SDC3: variants seen among roughly 807,000 people sequenced by gnomAD.
SDC3 encodes syndecan 3.
Under a neutral mutation model 24.4 loss-of-function variants are expected in SDC3, and 13 were observed. The observed-to-expected ratio is 0.53, with a 90% confidence interval of 0.35 to 0.85. SDC3 has a LOEUF of 0.85. SDC3 is among the 40% of genes least tolerant of loss of function. The probability of loss-of-function intolerance (pLI) is 0.01; values close to 1 mark genes in which losing one functional copy is unlikely to be tolerated. For missense variants in SDC3, 571 were observed against 584.5 expected, an observed-to-expected ratio of 0.98 and a Z score of 0.24; for synonymous variants, 295 against 260.9, an observed-to-expected ratio of 1.13 and a Z score of -1.26.
chr1:30,884,246 G>A (rs1639793208), intron 1 of SDC3, among the ~76,000 whole-genome samples: 1 of 151,916 alleles, frequency 6.6e-6, no homozygotes, highest in African/African-American at 2.4e-5. Flanking sequence ...AATGGGGAGG[G>A]CAGAGAAGGC....
At position 30,876,738 on chromosome 1, in the gene SDC3, C is replaced by T. The variant is rs1220582992; in HGVS notation, c.684G>A (p.Glu228=). 1.3e-6 allele frequency: 2 copies of T among 1,590,232 alleles called. No individual in the cohort carries two copies. The highest frequency in any genetic ancestry group is 1.7e-6 in the Non-Finnish European group (2 of 1,168,020). ...CCGCCGTGGTGGGCGGGGAGGGCGC[C>T]TCGGGGGTAGTGGCCCGTGCCGTAG... ...TVATARATTP[E]APSPPTTAAV... is the part of the protein sequence containing the mutation. Residue 228 remains glutamate (E), a synonymous_variant, in exon 3 of 5, where the codon GAG becomes GAA. Coordinates refer to ENST00000339394, the MANE Select transcript of SDC3 (RefSeq NM_014654.4).
intron 4 of SDC3, among the ~76,000 whole-genome samples, chr1:30,873,744 CAT>C (rs1639583494): frequency 6.6e-6 from 1 of 152,140 alleles, no homozygotes; most frequent in Non-Finnish European, 1.5e-5. Context: ...GAAGACTTAA[CAT>C]GTGAACAGAT....
At chr1:30,901,945 G>C (rs778343666) in intron 1 of SDC3, among the ~76,000 whole-genome samples, 13 of 152,214 alleles carry the variant, frequency 8.5e-5, no homozygotes, top group Admixed American at 2.6e-4. Context: ...TGCGGGTTCA[G>C]AGAGGTTAGG....
rs539716242 is a variant in SDC3 at position 30,896,932 on chromosome 1, CA to C, written c.138+11516del. 2.6e-5 allele frequency among the ~76,000 whole-genome samples: 4 copies of C among 152,144 alleles called. No individual in the cohort carries two copies. The South Asian group carries it at 8.3e-4, about 32-fold the overall frequency. ...GAACCAAGATCACACCACTGCACTCCAATCTGGGCAACAGAGTAAAAGTCCA... is the reference window on the plus strand; with the variant it reads ...GAACCAAGATCACACCACTGCACTCCATCTGGGCAACAGAGTAAAAGTCCA... On this transcript the variant is annotated intron_variant, in intron 1 of 4. Coordinates refer to ENST00000339394, the MANE Select transcript of SDC3 (RefSeq NM_014654.4).
chr1:30,904,161 G>T (rs886819239), intron 1 of SDC3, among the ~76,000 whole-genome samples: 17 of 152,148 alleles, frequency 1.1e-4, no homozygotes, highest in Admixed American at 9.2e-4. Flanking sequence ...GGAGGCAGAG[G>T]TTGCAGTGAG....
Position 30,874,504 on chromosome 1 carries a change from GCT to G in SDC3, c.953_954del (p.Glu318AlafsTer14). ...GGTTGTGTGGTCTCTTCTTCTGGCA[GCT>G]CGAAGTCTCCACTGGGCCCCCCACT... ...PVSGGPSGDFELPEEETTQPD... is the reference protein window; with the variant it reads ...PVSGGPSGDFXLPEEETTQPD... On this transcript the variant is annotated frameshift_variant, in exon 4 of 5. Coordinates refer to ENST00000339394, the MANE Select transcript of SDC3 (RefSeq NM_014654.4). LOFTEE classifies it high-confidence loss of function. The G allele has an allele frequency of 6.2e-7, 1 of 1,614,172 alleles. No homozygotes were observed. The highest frequency in any genetic ancestry group is 8.5e-7 in the Non-Finnish European group (1 of 1,180,016).
At chr1:30,903,725 T>C (rs866132355) in intron 1 of SDC3, among the ~76,000 whole-genome samples, 1 of 152,120 alleles carries the variant, frequency 6.6e-6, no homozygotes, top group South Asian at 2.1e-4. Flanking sequence ...CAGTAGCTAA[T>C]GCAGACATAA....
chr1:30,897,732 G>A (rs1162481683), intron 1 of SDC3, among the ~76,000 whole-genome samples: 1 of 152,006 alleles, frequency 6.6e-6, no homozygotes, highest in African/African-American at 2.4e-5. Context: ...ATCCCAGCTG[G>A]GCCACTCACT....
chr1:30,902,993 G>A (rs1045794764), intron 1 of SDC3, among the ~76,000 whole-genome samples: 3 of 152,220 alleles, frequency 2.0e-5, no homozygotes. Flanking sequence ...ACCAAGCACA[G>A]AGTGGTCCCT....
intron 1 of SDC3, among the ~76,000 whole-genome samples, chr1:30,882,661 T>G (rs1346012572): frequency 6.6e-6 from 1 of 152,022 alleles, no homozygotes; most frequent in Non-Finnish European, 1.5e-5. Context: ...CACTCATCAC[T>G]CACTCTGAGT....
Position 30,870,643 on chromosome 1 carries a change from C to T in SDC3, c.*2568G>A, listed in dbSNP as rs1639517530. 1 of 152,254 alleles carries T rather than the reference C, an allele frequency of 6.6e-6. No individual in the cohort carries two copies. Among genetic ancestry groups the T allele is most frequent in the South Asian group, 2.1e-4 (1 of 4,836 alleles). The allele number at this position is 152,254 out of a possible 1,614,324, so 9.4% of individuals were successfully genotyped here. On this transcript the variant is annotated 3_prime_UTR_variant, in exon 5 of 5. Transcript: ENST00000339394. ...TGGGTCCAGGGATCCATGAACAAGG[C>T]CCCTGGCCTCTTCTCTCAAATGCTA...
At chr1:30,909,708 C>G (rs1330532280), upstream of SDC3, among the ~76,000 whole-genome samples, 1 of 152,166 alleles carries the variant, frequency 6.6e-6, no homozygotes, top group Non-Finnish European at 1.5e-5. Context: ...CAGCACAGAG[C>G]TCGGCATGAC....
rs371637066 is a variant in SDC3, at chr1:30,895,204, A to C, written c.138+13245T>G. On this transcript the variant is annotated intron_variant, in intron 1 of 4. Transcript: ENST00000339394. ...ACCAGGGCCCCATGCATCAGCACAG[A>C]CACACAACAACATGCCATCACACAT... is the stretch of plus-strand genomic sequence containing the variant. Among the ~76,000 whole-genome samples, 105 of 152,282 alleles carry C rather than the reference A, an allele frequency of 6.9e-4. 1 individual carries two copies. In the South Asian group the frequency reaches 0.021, roughly 31 times the overall value.
chr1:30,889,990 G>T (rs945456323), intron 1 of SDC3, among the ~76,000 whole-genome samples: 8 of 152,262 alleles, frequency 5.3e-5, no homozygotes, highest in African/African-American at 1.9e-4. Context: ...TTCATACAAT[G>T]GAATATTATT....
intron 1 of SDC3, among the ~76,000 whole-genome samples, chr1:30,892,699 G>C (rs1043094037): frequency 2.6e-5 from 4 of 152,186 alleles, no homozygotes; most frequent in African/African-American, 9.7e-5. Context: ...ACTAGTAGCA[G>C]CCTGTGAGCA....
intron 1 of SDC3, among the ~76,000 whole-genome samples, chr1:30,887,092 G>T (rs1461800131): frequency 6.6e-6 from 1 of 152,144 alleles, no homozygotes; most frequent in Non-Finnish European, 1.5e-5. Flanking sequence ...TCAGCTCCCT[G>T]CACAGAGACA....
At chr1:30,891,542 C>T (rs1639904188) in intron 1 of SDC3, among the ~76,000 whole-genome samples, 2 of 152,350 alleles carry the variant, frequency 1.3e-5, no homozygotes, top group African/African-American at 4.8e-5. Flanking sequence ...AGCCTCAACA[C>T]CTTGGCTTTG....
intron 1 of SDC3, 27 bp from the exon 2 acceptor site, chr1:30,878,767 G>A (rs1423834335): frequency 4.4e-6 from 7 of 1,599,730 alleles, no homozygotes; most frequent in African/African-American, 2.7e-5. Flanking sequence ...TGGACACAGG[G>A]CTCGGCACCC....
At position 30,877,001 on chromosome 1, in the gene SDC3, T is replaced by C. The variant is rs930365684; in HGVS notation, c.421A>G (p.Ser141Gly). The change falls in exon 3 of 5, where the codon AGC (serine) becomes GGC (glycine). Residue 141 changes from serine to glycine, a missense_variant. Around this residue, in one of 2 missense-constraint regions of SDC3, gnomAD observed 497 missense variants for 471.6 expected, o/e 1.05. Transcript: ENST00000339394. Reference sequence around the variant, plus strand: ...GGGACTTCTGTCACCACCAGGGGGCTGGTGGCTGGCTCCAGGGTGGGGCGC... The same window carrying C: ...GGGACTTCTGTCACCACCAGGGGGCCGGTGGCTGGCTCCAGGGTGGGGCGC... ...SERPTLEPAT[S>G]PLVVTEVPEE... 1 of 1,613,642 alleles carries C rather than the reference T, an allele frequency of 6.2e-7. No individual in the cohort carries two copies. The highest frequency in any genetic ancestry group is 8.5e-7 in the Non-Finnish European group (1 of 1,179,930).
Sources: allele counts gnomAD v4.1 joint callset (sites outside exome capture counted in the v4.1 genomes callset), GRCh38; gene constraint gnomAD v4.1.1; regional missense constraint gnomAD v4.1.1; transcripts MANE v1.5; gene names NCBI Gene and HGNC (gene_info 2026-07-23, HGNC 2026-07-21).